Variants in VTI1A observed in about 807,000 individuals in gnomAD.
VTI1A encodes the protein vesicle transport through interaction with t-SNAREs 1A, also known as vesicle transport through interaction with t-SNAREs homolog 1A.
VTI1A carries 22 observed loss-of-function variants against 34.9 expected under a neutral mutation model. The ratio of observed to expected loss-of-function variants is 0.63; its 90% CI spans 0.45 to 0.90. The LOEUF is 0.90. VTI1A is among the 40% of genes least tolerant of loss of function. The pLI is 0.00. For missense variants in VTI1A, 268 were observed against 275.6 expected (o/e 0.97, Z 0.20); for synonymous variants, 87 against 97.3 (o/e 0.89, Z 0.62).
At chr10:112,601,789 G>A (rs916832631) in intron 5 of VTI1A, among the ~76,000 whole-genome samples, 3 of 152,106 alleles carry the variant, frequency 2.0e-5, no homozygotes, top group Non-Finnish European at 4.4e-5. Flanking sequence ...AATGAGAATG[G>A]TCCACATTTT....
At chr10:112,646,095 A>T (rs1227657383) in intron 5 of VTI1A, among the ~76,000 whole-genome samples, 2 of 152,072 alleles carry the variant, frequency 1.3e-5, no homozygotes, top group African/African-American at 4.8e-5. Context: ...ACTGGACTAG[A>T]TGCCTTTCAA....
intron 5 of VTI1A, among the ~76,000 whole-genome samples, chr10:112,563,386 G>T (rs562658921): frequency 3.3e-5 from 5 of 152,254 alleles, no homozygotes; most frequent in Admixed American, 2.6e-4. Context: ...GCAAAACAAA[G>T]AATTTTGTGA....
chr10:112,643,162 T>TC (rs1846646612), intron 5 of VTI1A, among the ~76,000 whole-genome samples: 2 of 99,452 alleles, frequency 2.0e-5, no homozygotes, highest in African/African-American at 3.1e-5. Context: ...TTTTTTTTTT[T>TC]TCTTTTTTTT....
intron 5 of VTI1A, among the ~76,000 whole-genome samples, chr10:112,569,526 G>A (rs1852039538): frequency 6.6e-6 from 1 of 152,224 alleles, no homozygotes; most frequent in African/African-American, 2.4e-5. Flanking sequence ...TTTATACTCT[G>A]AAGACAGAGG....
intron 7 of VTI1A, among the ~76,000 whole-genome samples, chr10:112,695,899 G>A (rs1014628252): frequency 1.3e-5 from 2 of 152,086 alleles, no homozygotes; most frequent in African/African-American, 4.8e-5. Flanking sequence ...CATTTTTCCC[G>A]TCCTCTGAAA....
chr10:112,571,999 G>A (rs186097762), intron 5 of VTI1A, among the ~76,000 whole-genome samples: 4 of 152,062 alleles, frequency 2.6e-5, no homozygotes, highest in South Asian at 2.1e-4. Flanking sequence ...GAGAGAGGAG[G>A]GGCACAAAGG....
At chr10:112,673,571 G>A (rs1847931981) in intron 7 of VTI1A, among the ~76,000 whole-genome samples, 1 of 152,218 alleles carries the variant, frequency 6.6e-6, no homozygotes, top group African/African-American at 2.4e-5. Flanking sequence ...GAGCTGCTAA[G>A]AGGTCTTTTG....
intron 7 of VTI1A, among the ~76,000 whole-genome samples, chr10:112,720,994 C>G (rs1849785884): frequency 6.6e-6 from 1 of 152,116 alleles, no homozygotes; most frequent in South Asian, 2.1e-4. Flanking sequence ...GCAGTTTACT[C>G]AGTGACATTT....
chr10:112,731,019 A>G (rs776429807), intron 7 of VTI1A, among the ~76,000 whole-genome samples: 2 of 152,104 alleles, frequency 1.3e-5, no homozygotes, highest in African/African-American at 4.8e-5. Flanking sequence ...TATTAAAGTG[A>G]TTAAGGAACT....
upstream of VTI1A, chr10:112,447,080 T>C: frequency 2.3e-6 from 1 of 435,082 alleles, no homozygotes; most frequent in South Asian, 2.8e-5. Flanking sequence ...CCTCAGAACT[T>C]GCATATTTTC....
At chr10:112,674,824 C>A (rs1478169159) in intron 7 of VTI1A, among the ~76,000 whole-genome samples, 1 of 152,168 alleles carries the variant, frequency 6.6e-6, no homozygotes, top group Non-Finnish European at 1.5e-5. Context: ...GCTCTTTTGA[C>A]ACACTACACA....
chr10:112,616,793 C>T (rs1845527938), intron 5 of VTI1A, among the ~76,000 whole-genome samples: 1 of 151,982 alleles, frequency 6.6e-6, no homozygotes, highest in African/African-American at 2.4e-5. Context: ...GATTTAAAAG[C>T]AGATCTGAGA....
intron 7 of VTI1A, among the ~76,000 whole-genome samples, chr10:112,756,091 G>A (rs1851273938): frequency 6.6e-6 from 1 of 152,122 alleles, no homozygotes; most frequent in Non-Finnish European, 1.5e-5. Context: ...AGGAGAGGGA[G>A]AAAGAGCTGA....
At chr10:112,483,777 CAGAG>C (rs10554766) in intron 3 of VTI1A, among the ~76,000 whole-genome samples, 29 of 150,438 alleles carry the variant, frequency 1.9e-4, no homozygotes, top group Non-Finnish European at 1.6e-4. Flanking sequence ...ATGGGGATTT[CAGAG>C]AGAGAGAGAG....
the VTI1A span, among the ~76,000 whole-genome samples, chr10:112,850,790 A>C: frequency 0.019 from 2,871 of 152,312 alleles, 105 homozygotes; most frequent in African/African-American, 0.067. Flanking sequence ...CTTTGAAGAT[A>C]GCAACACCAG....
downstream of VTI1A, among the ~76,000 whole-genome samples, chr10:112,819,791 A>G (rs891030153): frequency 2.0e-5 from 3 of 152,086 alleles, no homozygotes; most frequent in African/African-American, 4.8e-5. Flanking sequence ...GCTGCTGTCT[A>G]TGTCTGCTCA....
intron 5 of VTI1A, among the ~76,000 whole-genome samples, chr10:112,643,869 G>A (rs771332352): frequency 4.6e-5 from 7 of 151,648 alleles, no homozygotes; most frequent in Admixed American, 2.0e-4. Flanking sequence ...AATTTTTTTC[G>A]TTTACTATTT....
At position 112,474,665 on chromosome 10, in the gene VTI1A, C is replaced by T. The variant is rs536357662; in HGVS notation, c.264+10008C>T. 3.3e-5 allele frequency among the ~76,000 whole-genome samples: 5 copies of T among 151,432 alleles called. No individual in the cohort carries two copies. The South Asian group carries it at 8.4e-4, about 25-fold the overall frequency. On this transcript the variant is annotated intron_variant, in intron 3 of 7. Coordinates refer to ENST00000393077, the MANE Select transcript of VTI1A (RefSeq NM_145206.4). The stretch of plus-strand genomic sequence containing the variant: ...AGAGACAGGGTCTCCCTATGTCACC[C>T]AGGCTGGTCTCTGACTCCTGGACTC...
rs1853555614 is a variant in VTI1A, at chr10:112,817,416, G to A, written c.*2033G>A. ...AGCAGACAAAATGAGAAAGGAGGAGGGCATTGCTCACCTCTCAATAGCTTT... is the reference window on the plus strand; with the variant it reads ...AGCAGACAAAATGAGAAAGGAGGAGAGCATTGCTCACCTCTCAATAGCTTT... On this transcript the variant is annotated 3_prime_UTR_variant, in exon 8 of 8. Transcript: ENST00000393077. 4.3e-6 allele frequency: 1 copy of A among 232,002 alleles called. No individual in the cohort carries two copies. The allele number at this position is 232,002 out of a possible 1,614,324, so 14.4% of individuals were successfully genotyped here. A position where few individuals can be genotyped will look rare whatever the true frequency, so the allele number is the denominator to read the frequency against.
Sources: allele counts gnomAD v4.1 joint callset (sites outside exome capture counted in the v4.1 genomes callset), GRCh38; gene constraint gnomAD v4.1.1; transcripts MANE v1.5; gene names NCBI Gene and HGNC (gene_info 2026-07-23, HGNC 2026-07-21).